RTN4RL1: variants seen among roughly 807,000 people sequenced by gnomAD.
The protein encoded by RTN4RL1 is reticulon-4 receptor-like 1.
Under a neutral mutation model 25.6 loss-of-function variants are expected in RTN4RL1, and 7 were observed. The observed-to-expected ratio is 0.27, with a 90% confidence interval of 0.16 to 0.51. The LOEUF (loss-of-function observed/expected upper bound fraction) is 0.51. RTN4RL1 is among the 20% of genes least tolerant of loss of function. The pLI is 0.97. For missense variants in RTN4RL1, 500 were observed against 615.6 expected, an observed-to-expected ratio of 0.81 and a Z score of 1.99; for synonymous variants, 297 against 288.2, an observed-to-expected ratio of 1.03 and a Z score of -0.31.
chr17:1,937,170 G>T lies in RTN4RL1; in HGVS notation c.652C>A (p.His218Asn), dbSNP rs1159873255. 6.2e-7 allele frequency: 1 copy of T among 1,612,504 alleles called. No homozygotes were observed. Residue 218 changes from histidine to asparagine, a missense_variant, in exon 2 of 2, where the codon CAC becomes AAC. By Grantham distance (68) the His-to-Asn change is moderately conservative. This residue lies in a region of RTN4RL1 where 232 missense variants were observed against 341.1 expected (regional missense o/e 0.68). Transcript: ENST00000331238. ...AGGGTGGTCAGCCTGCGGAGGTCGT[G>T]GAACGCCTTGTGGTGGACCCACTGC... ...QLQWVHHKAF[H>N]DLRRLTTLFL...
rs530969774 is a variant in RTN4RL1, at chr17:1,942,240, C to T, written c.14-4432G>A. Among the ~76,000 whole-genome samples the T allele has an allele frequency of 6.6e-5, 10 of 152,298 alleles. No individual in the cohort carries two copies. The South Asian group carries it at 1.4e-3, about 22-fold the overall frequency. ...GCTCGGGTATCCCCAAACCTCCTGG[C>T]CTCCCACATGCCTGAGCTCACCCGC... is the stretch of plus-strand genomic sequence containing the variant. On this transcript the variant is annotated intron_variant, in intron 1 of 1. Transcript: ENST00000331238.
intron 1 of RTN4RL1, among the ~76,000 whole-genome samples, chr17:1,959,638 C>G (rs935725883): frequency 5.9e-5 from 9 of 152,180 alleles, no homozygotes; most frequent in Non-Finnish European, 1.0e-4. Context: ...GATCTCGGCT[C>G]ACTGCAACCT....
chr17:1,983,323 G>A (rs1415977234), intron 1 of RTN4RL1, among the ~76,000 whole-genome samples: 1 of 152,038 alleles, frequency 6.6e-6, no homozygotes, highest in Non-Finnish European at 1.5e-5. Context: ...TGGGATGACA[G>A]GCGTGAGCCG....
At chr17:1,945,770 G>T (rs1915525248) in intron 1 of RTN4RL1, among the ~76,000 whole-genome samples, 1 of 152,218 alleles carries the variant, frequency 6.6e-6, no homozygotes, top group Non-Finnish European at 1.5e-5. Context: ...CGTGAGGACG[G>T]TGGTTTTGCC....
At chr17:1,995,040 G>A (rs1279155311) in intron 1 of RTN4RL1, among the ~76,000 whole-genome samples, 1 of 152,110 alleles carries the variant, frequency 6.6e-6, no homozygotes, top group African/African-American at 2.4e-5. Context: ...GTGCTTACAG[G>A]GGCCCTGGGA....
chr17:2,008,125 C>T (rs552598595), intron 1 of RTN4RL1, among the ~76,000 whole-genome samples: 6 of 151,608 alleles, frequency 4.0e-5, no homozygotes, highest in South Asian at 2.1e-4. Flanking sequence ...CAAAATTATC[C>T]GGCTGTGGTG....
intron 1 of RTN4RL1, among the ~76,000 whole-genome samples, chr17:2,002,396 C>T (rs1159817990): frequency 1.3e-5 from 2 of 151,060 alleles, no homozygotes; most frequent in Non-Finnish European, 1.5e-5. Flanking sequence ...GGGTTCACGC[C>T]ATTCTCCTGC....
intron 1 of RTN4RL1, among the ~76,000 whole-genome samples, chr17:1,946,352 G>A (rs58831264): frequency 0.041 from 6,243 of 152,296 alleles, 418 homozygotes; most frequent in African/African-American, 0.14. Context: ...AACACCATGC[G>A]TCCCGCTCAG....
chr17:1,936,031 C>T lies in RTN4RL1; in HGVS notation c.*465G>A. On this transcript the variant is annotated 3_prime_UTR_variant, in exon 2 of 2. Transcript: ENST00000331238. ...CAGGCAAGAGCCAAGATGCCACCTG[C>T]TCGTGTGTGCCCAGACTGCTGGCCA... 1 of 990,112 alleles carries T rather than the reference C, an allele frequency of 1.0e-6. No individual in the cohort carries two copies. The highest frequency in any genetic ancestry group is 1.2e-6 in the Non-Finnish European group (1 of 832,810). The allele number at this position is 990,112 out of a possible 1,614,324, so 61.3% of individuals were successfully genotyped here.
In RTN4RL1 at chr17:1,937,798, C is replaced by T. The variant is rs1462685919; in HGVS notation, c.24G>A (p.Val8=). ...CAGCTACCAACAGCAGCAGCAACTCCACACAGCACCCTGGCAGGGAGAGAG... is the reference window on the plus strand; with the variant it reads ...CAGCTACCAACAGCAGCAGCAACTCTACACAGCACCCTGGCAGGGAGAGAG... MLRKGCC[V]ELLLLLVAAE... The change falls in exon 2 of 2, where the codon GTG becomes GTA. Residue 8 remains valine, a synonymous_variant. Transcript: ENST00000331238. 6.3e-7 allele frequency: 1 copy of T among 1,587,306 alleles called. No homozygotes were observed. The highest frequency in any genetic ancestry group is 1.7e-5 in the Admixed American group (1 of 59,710).
intron 1 of RTN4RL1, among the ~76,000 whole-genome samples, chr17:2,015,423 C>T (rs1441327337): frequency 6.6e-6 from 1 of 152,144 alleles, no homozygotes; most frequent in Non-Finnish European, 1.5e-5. Flanking sequence ...AATGGCCGGC[C>T]ACTGCAGCCA....
chr17:1,969,162 G>A (rs2066806685), intron 1 of RTN4RL1, among the ~76,000 whole-genome samples: 1 of 145,120 alleles, frequency 6.9e-6, no homozygotes, highest in African/African-American at 2.6e-5. Context: ...AGGTTAAAAC[G>A]ATTCTCCTGC....
intron 1 of RTN4RL1, among the ~76,000 whole-genome samples, chr17:2,009,591 CA>C (rs528797675): frequency 0.032 from 2,114 of 65,522 alleles, 382 homozygotes; most frequent in African/African-American, 0.11. Flanking sequence ...GACTCCGTCT[CA>C]AAAAAAAAAA....
intron 1 of RTN4RL1, among the ~76,000 whole-genome samples, chr17:1,957,856 C>T (rs968961306): frequency 8.3e-6 from 1 of 119,962 alleles, no homozygotes; most frequent in South Asian, 3.1e-4. Flanking sequence ...ACAACAACAA[C>T]AAAACAAACA....
At chr17:1,950,095 G>A (rs931997808) in intron 1 of RTN4RL1, among the ~76,000 whole-genome samples, 1 of 152,210 alleles carries the variant, frequency 6.6e-6, no homozygotes, top group Non-Finnish European at 1.5e-5. Context: ...AGTCACTGAA[G>A]AGCCCGGGGC....
At chr17:1,990,203 T>G (rs934715445) in intron 1 of RTN4RL1, among the ~76,000 whole-genome samples, 1 of 151,798 alleles carries the variant, frequency 6.6e-6, no homozygotes, top group African/African-American at 2.4e-5. Flanking sequence ...CTGCTAAAAA[T>G]AAAAAATTAG....
chr17:1,978,730 A>T (rs890647303), intron 1 of RTN4RL1, among the ~76,000 whole-genome samples: 4 of 152,228 alleles, frequency 2.6e-5, no homozygotes, highest in Non-Finnish European at 4.4e-5. Flanking sequence ...CATTCAGCTC[A>T]GAGAAAGAAA....
At chr17:1,982,355 G>A (rs921642506) in intron 1 of RTN4RL1, among the ~76,000 whole-genome samples, 1 of 152,018 alleles carries the variant, frequency 6.6e-6, no homozygotes, top group Non-Finnish European at 1.5e-5. Context: ...CCTCGCGCCT[G>A]TAATCCCAGC....
At chr17:1,996,357 AGTACGG>A (rs1239590003) in intron 1 of RTN4RL1, among the ~76,000 whole-genome samples, 1 of 152,140 alleles carries the variant, frequency 6.6e-6, no homozygotes, top group Non-Finnish European at 1.5e-5. Context: ...TCTTGGGCAG[AGTACGG>A]GTGAACAGCA....
Sources: gnomAD v4.1 joint callset for allele counts (sites outside exome capture counted in the v4.1 genomes callset) on GRCh38, gnomAD v4.1.1 for gene constraint, gnomAD v4.1.1 regional missense constraint, MANE v1.5 for transcripts, NCBI Gene and HGNC (gene_info 2026-07-23, HGNC 2026-07-21) for gene names.